Variants in ASCC3 observed in about 807,000 individuals in gnomAD.
ASCC3 encodes the protein activating signal cointegrator 1 complex subunit 3, also known as ASC-1 complex subunit P200.
A neutral mutation model predicts 256.3 loss-of-function variants in ASCC3; 158 were observed. The ratio of observed to expected loss-of-function variants is 0.62; its 90% CI spans 0.54 to 0.70. The LOEUF is 0.70. ASCC3 is among the 30% of genes least tolerant of loss of function. The pLI is 0.00. For synonymous variants in ASCC3, 948 were observed against 883.4 expected (o/e 1.07, Z -1.30); for missense variants, 2,259 against 2,626.0 (o/e 0.86, Z 3.05).
intron 8 of ASCC3, among the ~76,000 whole-genome samples, chr6:100,791,431 G>A (rs1769346725): frequency 6.6e-6 from 1 of 151,890 alleles, no homozygotes. Context: ...TTTTATGCCA[G>A]GTCCACACAA....
rs1775616662 is a variant in ASCC3 at position 100,650,639 on chromosome 6, C to G, written c.3151G>C (p.Glu1051Gln). 1.2e-6 allele frequency: 2 copies of G among 1,612,664 alleles called. No individual in the cohort carries two copies. ...FCELSTPGGV[E>Q]NSYGKINILL... is the part of the protein sequence containing the mutation. Reference sequence around the variant, plus strand: ...ATGTTTATTTTCCCATAACTATTCTCTACACCTCCAGGAGTGGAGAGTTCA... The same window carrying G: ...ATGTTTATTTTCCCATAACTATTCTGTACACCTCCAGGAGTGGAGAGTTCA... The change falls in exon 20 of 42, where the codon GAG becomes CAG. Residue 1051 changes from glutamate to glutamine, a missense_variant. Glu to Gln is a conservative substitution (Grantham distance 29). This residue lies in a region of ASCC3 where 1,839 missense variants were observed against 2,206.7 expected (regional missense o/e 0.83). Transcript: ENST00000369162.
intron 36 of ASCC3, among the ~76,000 whole-genome samples, chr6:100,574,275 A>T (rs1194509736): frequency 6.6e-6 from 1 of 152,148 alleles, no homozygotes; most frequent in Non-Finnish European, 1.5e-5. Flanking sequence ...TTATGGGTGC[A>T]ACCTTTTTAT....
intron 13 of ASCC3, among the ~76,000 whole-genome samples, chr6:100,704,678 G>T (rs1291101763): frequency 8.2e-6 from 1 of 121,796 alleles, no homozygotes; most frequent in African/African-American, 2.9e-5. Context: ...TGAGGAAAGA[G>T]AAAATAAGAC....
At chr6:100,827,345 T>TC (rs1771367529) in intron 4 of ASCC3, among the ~76,000 whole-genome samples, 2 of 152,208 alleles carry the variant, frequency 1.3e-5, no homozygotes, top group South Asian at 4.1e-4. Flanking sequence ...TTTCTCCCTT[T>TC]CCCCAAATCC....
chr6:100,604,874 T>C (rs1772805505), intron 33 of ASCC3, among the ~76,000 whole-genome samples: 1 of 152,040 alleles, frequency 6.6e-6, no homozygotes, highest in Admixed American at 6.6e-5. Flanking sequence ...ATCCAATATA[T>C]AGAAAAGGAC....
chr6:100,597,932 C>T (rs1045875833), intron 34 of ASCC3, among the ~76,000 whole-genome samples: 3 of 148,738 alleles, frequency 2.0e-5, no homozygotes, highest in African/African-American at 7.5e-5. Context: ...CGAGATAGCG[C>T]CACTGCACTC....
chr6:100,606,686 T>C, intron 32 of ASCC3, 54 bp downstream of exon 32: 1 of 1,521,388 alleles, frequency 6.6e-7, no homozygotes, highest in Non-Finnish European at 8.8e-7. Context: ...CAAATTCAAA[T>C]TTACTCAGGG....
intron 13 of ASCC3, among the ~76,000 whole-genome samples, chr6:100,705,543 G>A (rs1393677257): frequency 6.6e-6 from 1 of 151,934 alleles, no homozygotes; most frequent in African/African-American, 2.4e-5. Context: ...TAGCTTCTCT[G>A]ATAAAACCAA....
At chr6:100,782,014 G>C (rs1436821730) in intron 8 of ASCC3, among the ~76,000 whole-genome samples, 1 of 151,820 alleles carries the variant, frequency 6.6e-6, no homozygotes, top group Admixed American at 6.6e-5. Context: ...AGGTCCAGAG[G>C]TAACAAAATA....
At chr6:100,675,907 A>G (rs1776983789) in intron 14 of ASCC3, among the ~76,000 whole-genome samples, 1 of 152,214 alleles carries the variant, frequency 6.6e-6, no homozygotes, top group African/African-American at 2.4e-5. Flanking sequence ...CAAGTAAAAC[A>G]GAATCTGAAA....
chr6:100,752,435 C>T (rs1158392350), intron 10 of ASCC3, among the ~76,000 whole-genome samples: 1 of 152,214 alleles, frequency 6.6e-6, no homozygotes, highest in African/African-American at 2.4e-5. Context: ...TTCCAACTTA[C>T]TCTAGAAATG....
chr6:100,858,747 G>A (rs953055182), intron 3 of ASCC3: 2 of 1,013,366 alleles, frequency 2.0e-6, no homozygotes, highest in African/African-American at 3.5e-5. Flanking sequence ...TGCTTCTCCT[G>A]AGATTTAGGA....
intron 37 of ASCC3, among the ~76,000 whole-genome samples, chr6:100,520,927 T>A (rs1278471015): frequency 6.6e-6 from 1 of 152,168 alleles, no homozygotes; most frequent in East Asian, 1.9e-4. Context: ...TCCACCATCA[T>A]CCTTTTGTAA....
At chr6:100,558,693 T>C (rs895039230) in intron 36 of ASCC3, among the ~76,000 whole-genome samples, 5 of 152,150 alleles carry the variant, frequency 3.3e-5, no homozygotes, top group East Asian at 1.9e-4. Context: ...TTAGTATAGA[T>C]TGGGAAACAA....
At chr6:100,766,425 A>C in intron 10 of ASCC3, 140 bp downstream of exon 10, 1 of 899,252 alleles carries the variant, frequency 1.1e-6, no homozygotes, top group Non-Finnish European at 1.7e-6. Flanking sequence ...TACAGAGACA[A>C]GATGTGGTTA....
intron 10 of ASCC3, among the ~76,000 whole-genome samples, chr6:100,754,015 A>C (rs944897339): frequency 6.6e-6 from 1 of 152,180 alleles, no homozygotes; most frequent in African/African-American, 2.4e-5. Context: ...GACTAAATTC[A>C]AATTCCTACT....
intron 4 of ASCC3, among the ~76,000 whole-genome samples, chr6:100,806,584 A>C (rs189405160): frequency 1.3e-5 from 2 of 152,076 alleles, no homozygotes; most frequent in Admixed American, 1.3e-4. Context: ...ATACATGTAT[A>C]TATTTCTTGT....
chr6:100,535,565 G>GGC (rs1775119945), intron 37 of ASCC3, among the ~76,000 whole-genome samples: 1 of 148,532 alleles, frequency 6.7e-6, no homozygotes, highest in African/African-American at 2.5e-5. Context: ...CGCCTCCCCG[G>GGC]TTCAAGCAGT....
chr6:100,833,450 C>T (rs1312601004), intron 4 of ASCC3, among the ~76,000 whole-genome samples: 6 of 152,016 alleles, frequency 3.9e-5, no homozygotes, highest in Non-Finnish European at 5.9e-5. Flanking sequence ...TGTAATCTTA[C>T]GGTAAACTAT....
Sources: allele counts gnomAD v4.1 joint callset (sites outside exome capture counted in the v4.1 genomes callset), GRCh38; gene constraint gnomAD v4.1.1; regional missense constraint gnomAD v4.1.1; transcripts MANE v1.5; gene names NCBI Gene and HGNC (gene_info 2026-07-23, HGNC 2026-07-21).